Variants in NOTCH2NLB observed in about 807,000 individuals in gnomAD.
NOTCH2NLB encodes notch 2 N-terminal like B, also known as notch homolog 2 N-terminal-like protein B.
A neutral mutation model predicts 14.8 loss-of-function variants in NOTCH2NLB; 1 was observed. The observed-to-expected ratio is 0.07, with a 90% confidence interval of 0.02 to 0.32. The LOEUF (loss-of-function observed/expected upper bound fraction) is 0.32, where lower values mean the gene tolerates loss of function less well. Among genes scored for constraint, NOTCH2NLB ranks in the 10% least tolerant of loss-of-function variants. The probability of loss-of-function intolerance (pLI) is 1.00; values close to 1 mark genes in which losing one functional copy is unlikely to be tolerated. For missense variants in NOTCH2NLB, 11 were observed against 155.0 expected (o/e 0.07, Z 4.93); for synonymous variants, 6 against 57.5 (o/e 0.10, Z 4.05).
intron 1 of NOTCH2NLB, among the ~76,000 whole-genome samples, chr1:148,670,403 G>T (rs1260979508): frequency 1.3e-4 from 19 of 144,932 alleles, no homozygotes; most frequent in Admixed American, 1.0e-3. Flanking sequence ...CTGTAATGAG[G>T]CATATTAAGA....
chr1:148,638,598 C>G (rs1361169684), intron 2 of NOTCH2NLB, among the ~76,000 whole-genome samples: 2 of 149,072 alleles, frequency 1.3e-5, no homozygotes, highest in Admixed American at 6.6e-5. Context: ...ATGAGCAGCC[C>G]ATAATAAGCT....
At chr1:148,649,648 C>T (rs1664450685) in intron 1 of NOTCH2NLB, among the ~76,000 whole-genome samples, 1 of 151,714 alleles carries the variant, frequency 6.6e-6, no homozygotes, top group African/African-American at 2.4e-5. Flanking sequence ...GTAGCTGGGA[C>T]TATAGGTGCC....
upstream of NOTCH2NLB, chr1:148,679,845 G>A (rs1253295411): frequency 4.8e-6 from 1 of 207,062 alleles, no homozygotes; most frequent in Non-Finnish European, 8.6e-6. Context: ...CCGCGGCCTC[G>A]GCCCCGCCGC....
intron 2 of NOTCH2NLB, among the ~76,000 whole-genome samples, chr1:148,631,076 A>C (rs1664093809): frequency 2.9e-5 from 4 of 135,978 alleles, no homozygotes; most frequent in Non-Finnish European, 6.2e-5. Flanking sequence ...AGTGTTCAGC[A>C]CACAGGATTA....
At chr1:148,637,636 T>A (rs1664238154) in intron 2 of NOTCH2NLB, among the ~76,000 whole-genome samples, 1 of 146,340 alleles carries the variant, frequency 6.8e-6, no homozygotes, top group Non-Finnish European at 1.5e-5. Context: ...CAGGTTTGTT[T>A]CATAGGTATA....
chr1:148,670,539 A>ATATATATATATACATATATATATAT (rs1553341886), intron 1 of NOTCH2NLB, among the ~76,000 whole-genome samples: 3 of 93,482 alleles, frequency 3.2e-5, no homozygotes, highest in African/African-American at 8.6e-5. Context: ...TAAAAAAAAA[A>ATATATATATATACATATATATATAT]ATATATATAT....
intron 2 of NOTCH2NLB, among the ~76,000 whole-genome samples, chr1:148,625,596 A>G (rs1183247158): frequency 8.5e-6 from 1 of 117,588 alleles, no homozygotes; most frequent in Non-Finnish European, 1.7e-5. Flanking sequence ...GCTAGTTTCC[A>G]GCAGAAAATT....
intron 2 of NOTCH2NLB, among the ~76,000 whole-genome samples, chr1:148,637,505 T>A (rs1664232809): frequency 6.9e-6 from 1 of 145,808 alleles, no homozygotes; most frequent in East Asian, 1.9e-4. Flanking sequence ...CCAAGTTGAA[T>A]GATCTTCAAA....
chr1:148,645,877 T>G (rs1664360413), intron 1 of NOTCH2NLB, among the ~76,000 whole-genome samples: 1 of 150,658 alleles, frequency 6.6e-6, no homozygotes, highest in African/African-American at 2.4e-5. Flanking sequence ...TCGTCTTTTC[T>G]GAGTATTTGA....
chr1:148,605,025 A>G (rs1663467224), downstream of NOTCH2NLB, among the ~76,000 whole-genome samples: 1 of 143,798 alleles, frequency 7.0e-6, no homozygotes, highest in Admixed American at 6.9e-5. Flanking sequence ...GATTATAATT[A>G]GGAGTGTCTT....
intron 2 of NOTCH2NLB, among the ~76,000 whole-genome samples, chr1:148,639,071 GC>G (rs1312437369): frequency 0.013 from 1,881 of 139,614 alleles, 78 homozygotes; most frequent in South Asian, 0.023. Context: ...TTATCTCACA[GC>G]CTTCCTCAAA....
the NOTCH2NLB span, among the ~76,000 whole-genome samples, chr1:148,704,403 G>A: frequency 3.9e-5 from 1 of 25,842 alleles, no homozygotes; most frequent in Non-Finnish European, 6.0e-5. Context: ...GTGAAGCACA[G>A]GTCGGCCAAA....
At chr1:148,627,624 AG>A (rs1664011710) in intron 2 of NOTCH2NLB, among the ~76,000 whole-genome samples, 5 of 151,554 alleles carry the variant, frequency 3.3e-5, no homozygotes, top group African/African-American at 1.2e-4. Context: ...CTGTTCAGTC[AG>A]CCCAAAATGC....
Position 148,679,349 on chromosome 1 carries a change from G to A in NOTCH2NLB, c.3+113C>T. On this transcript the variant is annotated intron_variant, in intron 1 of 4. Transcript: ENST00000593495. ...GGAACCCAGCGAGTGGCCTCGCTCC[G>A]CGCCGGCGGCCGAGCCTGGCCTTCC... The A allele has an allele frequency of 5.6e-6, 3 of 535,982 alleles. 1 individual carries two copies. The highest frequency in any genetic ancestry group is 7.3e-5 in the South Asian group (2 of 27,328). 33.2% of individuals were successfully genotyped at this position (535,982 alleles called of 1,614,324 possible).
At chr1:148,651,153 AAAAAAAAAAAT>A (rs1393896632) in intron 1 of NOTCH2NLB, among the ~76,000 whole-genome samples, 4 of 85,420 alleles carry the variant, frequency 4.7e-5, no homozygotes, top group African/African-American at 1.7e-4. Flanking sequence ...AGAAAAAAAA[AAAAAAAAAAAT>A]ATATATATAT....
At chr1:148,670,917 C>A (rs1664772210) in intron 1 of NOTCH2NLB, among the ~76,000 whole-genome samples, 1 of 7,240 alleles carries the variant, frequency 1.4e-4, no homozygotes, top group Non-Finnish European at 3.3e-4. Context: ...GTCAGAGAAG[C>A]CACTACATAT....
chr1:148,604,987 ACACATT>A (rs1486276221), downstream of NOTCH2NLB, among the ~76,000 whole-genome samples: 3 of 144,420 alleles, frequency 2.1e-5, no homozygotes, highest in African/African-American at 8.0e-5. Flanking sequence ...ACACACACAC[ACACATT>A]GATATGTAAC....
Position 148,648,002 on chromosome 1 carries a change from TAAC to T in NOTCH2NLB, c.4-7916_4-7914del, listed in dbSNP as rs1372848883. ...TACCTTAAGAAAATATAATCAACGA[TAAC>T]AACTTATAAATGAATATTTTTTGTA... is the stretch of plus-strand genomic sequence containing the variant. On this transcript the variant is annotated intron_variant, in intron 1 of 4. Transcript: ENST00000593495. Among the ~76,000 whole-genome samples, 7 of 140,512 alleles carry T rather than the reference TAAC, an allele frequency of 5.0e-5. No individual in the cohort carries two copies. The Middle Eastern group carries it at 0.013, about 253-fold the overall frequency. 92.2% of individuals were successfully genotyped at this position (140,512 alleles called of 152,430 possible).
chr1:148,703,335 G>A, the NOTCH2NLB span, among the ~76,000 whole-genome samples: 2 of 126,346 alleles, frequency 1.6e-5, no homozygotes, highest in Admixed American at 8.7e-5. Context: ...GGTGCTGTAG[G>A]AGAAATATGG....
Sources: allele counts gnomAD v4.1 joint callset (sites outside exome capture counted in the v4.1 genomes callset), GRCh38; gene constraint gnomAD v4.1.1; transcripts MANE v1.5; gene names NCBI Gene and HGNC (gene_info 2026-07-23, HGNC 2026-07-21).